The following SLC39A10 variants were observed in gnomAD, a reference collection of about 807,000 sequenced individuals.
SLC39A10 encodes zinc transporter ZIP10.
A neutral mutation model predicts 65.1 loss-of-function variants in SLC39A10; 13 were observed. That is an observed-to-expected ratio of 0.20 (90% confidence interval 0.13 to 0.32). The LOEUF is 0.32. SLC39A10 is among the 10% of genes least tolerant of loss of function. SLC39A10 has a pLI of 1.00. For synonymous variants in SLC39A10, 321 were observed against 342.2 expected (o/e 0.94, Z 0.68); for missense variants, 831 against 1,018.4 (o/e 0.82, Z 2.50).
In SLC39A10 at chr2:195,713,450, T is replaced by C. The variant is rs1438496124; in HGVS notation, c.1593T>C (p.Phe531=). 5.1e-6 allele frequency: 8 copies of C among 1,561,296 alleles called. No homozygotes were observed. The highest frequency in any genetic ancestry group is 6.9e-6 in the Non-Finnish European group (8 of 1,163,720). ...TTTTTTAGGGAAAACAGAAATGGTT[T>C]ATGAAACAGAACACAGAAGAATCAA... ...YKQQRGKQKW[F]MKQNTEESTI... The change falls in exon 6 of 10, where the codon TTT becomes TTC. Residue 531 remains phenylalanine, a synonymous_variant. Transcript: ENST00000359634.
chr2:195,623,190 A>C (rs1402361120), intron 2 of SLC39A10, among the ~76,000 whole-genome samples: 1 of 152,122 alleles, frequency 6.6e-6, no homozygotes, highest in Non-Finnish European at 1.5e-5. Context: ...ACTTCCCTTC[A>C]AAGTAGAATT....
chr2:195,654,488 T>G (rs1689107769), upstream of SLC39A10, among the ~76,000 whole-genome samples: 1 of 152,166 alleles, frequency 6.6e-6, no homozygotes, highest in African/African-American at 2.4e-5. Flanking sequence ...GGTAGACTGG[T>G]CACATTTGAA....
rs938054108 is a variant in SLC39A10, at chr2:195,671,421, G to A, written c.-11-8611G>A. Among the ~76,000 whole-genome samples, 7 of 152,142 alleles carry A rather than the reference G, an allele frequency of 4.6e-5. No individual in the cohort carries two copies. In the East Asian group the frequency reaches 7.7e-4, roughly 17 times the overall value. Reference sequence around the variant, plus strand: ...TTTCTTGTCAGTAGCCTCATCCATTGATGTTGACAGCACCTAGCAGAACTC... The same window carrying A: ...TTTCTTGTCAGTAGCCTCATCCATTAATGTTGACAGCACCTAGCAGAACTC... On this transcript the variant is annotated intron_variant, in intron 1 of 9. Coordinates refer to ENST00000359634, the MANE Select transcript of SLC39A10 (RefSeq NM_020342.3).
At chr2:195,718,680 A>G (rs1264027082) in intron 8 of SLC39A10, among the ~76,000 whole-genome samples, 1 of 152,218 alleles carries the variant, frequency 6.6e-6, no homozygotes, top group African/African-American at 2.4e-5. Flanking sequence ...TATACCATGT[A>G]GACTATATTT....
chr2:195,708,230 A>G (rs537260375), intron 4 of SLC39A10, among the ~76,000 whole-genome samples: 3 of 152,288 alleles, frequency 2.0e-5, no homozygotes, highest in African/African-American at 7.2e-5. Context: ...AAAATATATG[A>G]TAATCAGTTT....
At chr2:195,659,823 C>G (rs1297230508) in intron 1 of SLC39A10, among the ~76,000 whole-genome samples, 3 of 152,126 alleles carry the variant, frequency 2.0e-5, no homozygotes, top group African/African-American at 2.4e-5. Context: ...TCAGTTCTTT[C>G]ATTAGTGGTT....
chr2:195,661,945 T>C (rs933980439), intron 1 of SLC39A10, among the ~76,000 whole-genome samples: 3 of 152,220 alleles, frequency 2.0e-5, no homozygotes, highest in Admixed American at 2.0e-4. Context: ...ATAATACTTA[T>C]CCTTGTATTA....
chr2:195,734,580 A>G (rs1692527224), intron 9 of SLC39A10, among the ~76,000 whole-genome samples: 1 of 152,190 alleles, frequency 6.6e-6, no homozygotes, highest in South Asian at 2.1e-4. Context: ...ATAAAGTAAA[A>G]TGTCAGAATT....
At chr2:195,713,802 A>G (rs1167991464) in intron 6 of SLC39A10, among the ~76,000 whole-genome samples, 2 of 152,178 alleles carry the variant, frequency 1.3e-5, no homozygotes, top group African/African-American at 2.4e-5. Flanking sequence ...AAACACATAG[A>G]TGAACCTATC....
intron 1 of SLC39A10, among the ~76,000 whole-genome samples, chr2:195,663,720 A>G (rs1193385207): frequency 6.6e-6 from 1 of 151,092 alleles, no homozygotes; most frequent in African/African-American, 2.4e-5. Context: ...AAGAAATAAG[A>G]GAAAAGTAAA....
At chr2:195,640,660 A>G (rs1688795896) in intron 2 of SLC39A10, among the ~76,000 whole-genome samples, 1 of 152,220 alleles carries the variant, frequency 6.6e-6, no homozygotes, top group Admixed American at 6.5e-5. Context: ...GATCTTCAGA[A>G]ATGCTATAAA....
intron 2 of SLC39A10, among the ~76,000 whole-genome samples, chr2:195,641,216 T>C (rs1270788199): frequency 1.3e-5 from 2 of 152,004 alleles, no homozygotes; most frequent in Non-Finnish European, 2.9e-5. Context: ...GACAGGCAAG[T>C]TTATAGTGAT....
chr2:195,686,627 T>G (rs1179324838), intron 3 of SLC39A10, among the ~76,000 whole-genome samples: 1 of 152,230 alleles, frequency 6.6e-6, no homozygotes, highest in Non-Finnish European at 1.5e-5. Flanking sequence ...AGGATATTTC[T>G]TTTAATTTAT....
intron 1 of SLC39A10, among the ~76,000 whole-genome samples, chr2:195,679,216 T>C (rs1212718058): frequency 6.6e-6 from 1 of 151,700 alleles, no homozygotes; most frequent in Non-Finnish European, 1.5e-5. Context: ...AGATTTATGT[T>C]CAGGAGCTAT....
chr2:195,652,132 C>A (rs1047983923), upstream of SLC39A10, among the ~76,000 whole-genome samples: 3 of 151,986 alleles, frequency 2.0e-5, no homozygotes, highest in East Asian at 5.8e-4. Flanking sequence ...TAGGTGGATT[C>A]GAAGATTTTC....
intron 6 of SLC39A10, among the ~76,000 whole-genome samples, chr2:195,716,375 C>T (rs548484108): frequency 2.0e-5 from 3 of 152,092 alleles, no homozygotes; most frequent in Admixed American, 1.3e-4. Flanking sequence ...TGACCTCATC[C>T]GGAGCATCTT....
intron 8 of SLC39A10, among the ~76,000 whole-genome samples, chr2:195,723,777 G>T (rs985988571): frequency 1.3e-5 from 2 of 151,956 alleles, no homozygotes; most frequent in South Asian, 2.1e-4. Context: ...TGGGGCAAGG[G>T]TTAGAAAACT....
chr2:195,697,592 C>T (rs1327543935), intron 3 of SLC39A10, among the ~76,000 whole-genome samples: 2 of 152,036 alleles, frequency 1.3e-5, no homozygotes, highest in African/African-American at 2.4e-5. Context: ...CCACCTTCAC[C>T]ATGGAATAGG....
chr2:195,649,020 G>C (rs1296289615), intron 2 of SLC39A10, among the ~76,000 whole-genome samples: 1 of 152,160 alleles, frequency 6.6e-6, no homozygotes, highest in Non-Finnish European at 1.5e-5. Context: ...CTGTAGGTGA[G>C]ATCATCTATG....
Sources: allele counts gnomAD v4.1 joint callset (sites outside exome capture counted in the v4.1 genomes callset), GRCh38; gene constraint gnomAD v4.1.1; transcripts MANE v1.5; gene names NCBI Gene and HGNC (gene_info 2026-07-23, HGNC 2026-07-21).